The following NEGR1 variants were observed in gnomAD, a reference collection of about 807,000 sequenced individuals.
NEGR1 encodes IgLON family member 4.
Under a neutral mutation model 40.9 loss-of-function variants are expected in NEGR1, and 10 were observed. The ratio of observed to expected loss-of-function variants is 0.24; its 90% CI spans 0.15 to 0.42. The LOEUF is 0.42. Ranked by LOEUF, NEGR1 falls within the 10% of genes least tolerant of loss-of-function variation. The probability of loss-of-function intolerance (pLI) is 1.00; values close to 1 mark genes in which losing one functional copy is unlikely to be tolerated. For synonymous variants in NEGR1, 185 were observed against 166.8 expected, an observed-to-expected ratio of 1.11 and a Z score of -0.84; for missense variants, 352 against 438.9, an observed-to-expected ratio of 0.80 and a Z score of 1.77.
intron 2 of NEGR1, among the ~76,000 whole-genome samples, chr1:71,801,598 C>T (rs965937368): frequency 6.6e-6 from 1 of 152,140 alleles, no homozygotes; most frequent in African/African-American, 2.4e-5. Context: ...TGAAATCACC[C>T]TTGGTTTCCC....
chr1:71,846,312 A>C lies in NEGR1; in HGVS notation c.410-70015T>G, dbSNP rs535229915. Among the ~76,000 whole-genome samples, 49 of 152,184 alleles carry C rather than the reference A, an allele frequency of 3.2e-4. No homozygotes were observed. In the South Asian group the frequency reaches 5.0e-3, roughly 15 times the overall value. On this transcript the variant is annotated intron_variant, in intron 2 of 6. Coordinates refer to ENST00000357731, the MANE Select transcript of NEGR1 (RefSeq NM_173808.3). The stretch of plus-strand genomic sequence containing the variant: ...CGATTAGCCACATCTATCTAACTCA[A>C]CAAGAGGTCTTAACTACTTGTATGA...
At chr1:71,859,262 G>C (rs1015031106) in intron 2 of NEGR1, among the ~76,000 whole-genome samples, 1 of 151,922 alleles carries the variant, frequency 6.6e-6, no homozygotes, top group African/African-American at 2.4e-5. Context: ...GCATGCTCCT[G>C]TCTCAGAGCC....
chr1:71,429,613 A>G (rs534366843), intron 6 of NEGR1, among the ~76,000 whole-genome samples: 61 of 152,302 alleles, frequency 4.0e-4, no homozygotes, highest in African/African-American at 1.5e-3. Context: ...AGCCAGTCCT[A>G]GATCCATCCA....
At chr1:71,904,106 A>G (rs1357696491) in intron 2 of NEGR1, among the ~76,000 whole-genome samples, 2 of 152,044 alleles carry the variant, frequency 1.3e-5, no homozygotes, top group Non-Finnish European at 2.9e-5. Flanking sequence ...AATGAAATTC[A>G]GTGTGAAGCA....
chr1:71,746,764 A>ACACACACG (rs1655399683), intron 3 of NEGR1, among the ~76,000 whole-genome samples: 1 of 147,816 alleles, frequency 6.8e-6, no homozygotes, highest in Non-Finnish European at 1.5e-5. Flanking sequence ...ACGCGTACAC[A>ACACACACG]CACACACGCA....
chr1:71,410,413 A>G (rs1646311764), intron 6 of NEGR1, among the ~76,000 whole-genome samples: 1 of 152,238 alleles, frequency 6.6e-6, no homozygotes, highest in South Asian at 2.1e-4. Context: ...AGCCTCACAT[A>G]GGCAAAGATG....
In NEGR1 at chr1:71,785,713, G is replaced by T. The variant is rs188569709; in HGVS notation, c.410-9416C>A. ...CCTATAAACCAGAGGAAACAGCCCA[G>T]CTGTGTCAAACTAGAACCCAGCTGC... On this transcript the variant is annotated intron_variant, in intron 2 of 6. Coordinates refer to ENST00000357731, the MANE Select transcript of NEGR1 (RefSeq NM_173808.3). Among the ~76,000 whole-genome samples, 10 of 152,272 alleles carry T rather than the reference G, an allele frequency of 6.6e-5. No homozygotes were observed. The East Asian group carries it at 1.7e-3, about 26-fold the overall frequency.
At chr1:71,758,950 G>A (rs1655838680) in intron 3 of NEGR1, among the ~76,000 whole-genome samples, 1 of 152,176 alleles carries the variant, frequency 6.6e-6, no homozygotes, top group Non-Finnish European at 1.5e-5. Flanking sequence ...TGACTATGGG[G>A]TTCAAATGAT....
intron 6 of NEGR1, among the ~76,000 whole-genome samples, chr1:71,418,589 CCTT>C (rs1383970830): frequency 6.6e-6 from 1 of 152,228 alleles, no homozygotes; most frequent in East Asian, 1.9e-4. Flanking sequence ...CTTGGAATTA[CCTT>C]CTTCTACTTC....
chr1:71,578,314 C>G (rs1054998322), intron 6 of NEGR1, among the ~76,000 whole-genome samples: 7 of 152,078 alleles, frequency 4.6e-5, no homozygotes, highest in African/African-American at 1.7e-4. Flanking sequence ...CATGCAAAGG[C>G]AAGTTCTTCT....
chr1:72,040,705 T>C (rs936029006), intron 1 of NEGR1, among the ~76,000 whole-genome samples: 21 of 150,534 alleles, frequency 1.4e-4, no homozygotes, highest in African/African-American at 4.6e-4. Context: ...TAAGACCTAA[T>C]GACTATTTCA....
intron 1 of NEGR1, among the ~76,000 whole-genome samples, chr1:72,239,157 A>T (rs944678808): frequency 6.6e-6 from 1 of 151,888 alleles, no homozygotes; most frequent in African/African-American, 2.4e-5. Flanking sequence ...AAAGATGCCA[A>T]TGTCAACCAG....
intron 1 of NEGR1, among the ~76,000 whole-genome samples, chr1:72,157,374 TATG>T (rs1325366733): frequency 6.6e-6 from 1 of 152,202 alleles, no homozygotes; most frequent in Non-Finnish European, 1.5e-5. Context: ...TGATAGACAT[TATG>T]ATAAAAGATA....
chr1:72,071,704 C>T (rs879486864), intron 1 of NEGR1, among the ~76,000 whole-genome samples: 12 of 152,094 alleles, frequency 7.9e-5, no homozygotes, highest in Middle Eastern at 3.2e-3. Flanking sequence ...TCTCCTATTT[C>T]TTTTGAGTCT....
intron 6 of NEGR1, among the ~76,000 whole-genome samples, chr1:71,560,984 A>C (rs1648437842): frequency 6.6e-6 from 1 of 151,622 alleles, no homozygotes; most frequent in Non-Finnish European, 1.5e-5. Context: ...AAGTTATTTC[A>C]TGTTTCCGAG....
intron 5 of NEGR1, among the ~76,000 whole-genome samples, chr1:71,595,497 T>C (rs1649666650): frequency 6.6e-6 from 1 of 152,218 alleles, no homozygotes; most frequent in Non-Finnish European, 1.5e-5. Context: ...TCTGATATGG[T>C]GTATATGTCT....
At chr1:71,540,951 G>C (rs999884155) in intron 6 of NEGR1, among the ~76,000 whole-genome samples, 2 of 151,300 alleles carry the variant, frequency 1.3e-5, no homozygotes, top group African/African-American at 4.9e-5. Flanking sequence ...GAGAGTGAAG[G>C]TCGGGGAGCC....
chr1:72,265,875 T>C (rs1323107412), intron 1 of NEGR1, among the ~76,000 whole-genome samples: 3 of 150,908 alleles, frequency 2.0e-5, no homozygotes, highest in African/African-American at 7.3e-5. Context: ...GACTTAATTC[T>C]TCTTCCTCAC....
chr1:72,183,978 G>T (rs1372613604), intron 1 of NEGR1, among the ~76,000 whole-genome samples: 1 of 152,030 alleles, frequency 6.6e-6, no homozygotes, highest in Non-Finnish European at 1.5e-5. Flanking sequence ...GAATATAAAT[G>T]ACATGTTAAA....
Sources: gnomAD v4.1 joint callset for allele counts (sites outside exome capture counted in the v4.1 genomes callset) on GRCh38, gnomAD v4.1.1 for gene constraint, MANE v1.5 for transcripts, NCBI Gene and HGNC (gene_info 2026-07-23, HGNC 2026-07-21) for gene names.